The following ANO4 variants were observed in gnomAD, a reference collection of about 807,000 sequenced individuals.
The protein encoded by ANO4 is anoctamin-4.
Under a neutral mutation model 141.9 loss-of-function variants are expected in ANO4, and 69 were observed. The ratio of observed to expected loss-of-function variants is 0.49; its 90% CI spans 0.40 to 0.59. ANO4 has a LOEUF of 0.59. Ranked by LOEUF, ANO4 falls within the 20% of genes least tolerant of loss-of-function variation. The pLI is 0.00. For synonymous variants in ANO4, 350 were observed against 394.3 expected (o/e 0.89, Z 1.33); for missense variants, 894 against 1,162.2 (o/e 0.77, Z 3.36).
chr12:100,747,469 C>G (rs2032164135), intron 3 of ANO4, among the ~76,000 whole-genome samples: 1 of 152,206 alleles, frequency 6.6e-6, no homozygotes, highest in Non-Finnish European at 1.5e-5. Flanking sequence ...GGTAATCTCC[C>G]TGCATTTCCA....
intron 1 of ANO4, among the ~76,000 whole-genome samples, chr12:100,866,525 A>G (rs187111554): frequency 3.9e-5 from 6 of 152,268 alleles, no homozygotes; most frequent in Admixed American, 6.5e-5. Flanking sequence ...TCAATGTTGT[A>G]TCAGCAACCC....
chr12:100,767,036 G>A (rs186533363), intron 3 of ANO4, among the ~76,000 whole-genome samples: 11 of 152,130 alleles, frequency 7.2e-5, no homozygotes, highest in Admixed American at 3.9e-4. Flanking sequence ...TTTGGTTACC[G>A]TTTGTATGGA....
At chr12:100,908,125 C>A (rs565769427) in intron 2 of ANO4, among the ~76,000 whole-genome samples, 1 of 152,020 alleles carries the variant, frequency 6.6e-6, no homozygotes, top group East Asian at 1.9e-4. Flanking sequence ...TTTGGGAGGC[C>A]GAGGCGGGTG....
chr12:100,840,181 C>T (rs2037164796), intron 1 of ANO4, among the ~76,000 whole-genome samples: 1 of 151,854 alleles, frequency 6.6e-6, no homozygotes, highest in South Asian at 2.1e-4. Flanking sequence ...CATTAGTTAC[C>T]CGTTCTCTTT....
intron 14 of ANO4, among the ~76,000 whole-genome samples, chr12:101,053,017 T>G (rs79843281): frequency 0.023 from 3,444 of 152,282 alleles, 119 homozygotes; most frequent in African/African-American, 0.073. Context: ...GTTGTGCATC[T>G]TCTGTGAAGT....
At chr12:100,987,729 C>A in intron 8 of ANO4, 59 bp downstream of exon 8, 2 of 1,592,758 alleles carry the variant, frequency 1.3e-6, no homozygotes, top group Non-Finnish European at 1.7e-6. Context: ...GGTAGAGCCT[C>A]ACCCTGCACG....
intron 9 of ANO4, among the ~76,000 whole-genome samples, chr12:101,029,145 A>G (rs899968970): frequency 6.6e-6 from 1 of 152,180 alleles, no homozygotes; most frequent in Non-Finnish European, 1.5e-5. Context: ...GGATTTTGTT[A>G]CCCCCACGCT....
intron 16 of ANO4, among the ~76,000 whole-genome samples, chr12:101,084,410 A>C (rs893175920): frequency 6.6e-5 from 10 of 152,220 alleles, no homozygotes; most frequent in African/African-American, 2.4e-4. Context: ...CCTAAAAAGC[A>C]GTCTTAGTAA....
chr12:100,978,861 G>A (rs2044322945), intron 7 of ANO4, among the ~76,000 whole-genome samples: 1 of 152,138 alleles, frequency 6.6e-6, no homozygotes, highest in Non-Finnish European at 1.5e-5. Flanking sequence ...AATTGATTCT[G>A]TATTATAACT....
At chr12:100,929,468 AG>A (rs1423313030) in intron 3 of ANO4, among the ~76,000 whole-genome samples, 1 of 152,192 alleles carries the variant, frequency 6.6e-6, no homozygotes, top group Non-Finnish European at 1.5e-5. Context: ...ATAGCTGAAT[AG>A]TACTGCATTG....
At position 100,784,933 on chromosome 12, in the gene ANO4, T is replaced by C. The variant is rs972557587; in HGVS notation, c.358+44828T>C. Among the ~76,000 whole-genome samples, 4 of 152,224 alleles carry C rather than the reference T, an allele frequency of 2.6e-5. No individual in the cohort carries two copies. In the East Asian group the frequency reaches 7.7e-4, roughly 29 times the overall value. On this transcript the variant is annotated intron_variant, in intron 3 of 29. Coordinates refer to the ANO4 transcript ENST00000644049. ...GTGTAGGGAATCCTCTCACTATTTTTTTTTTCATCTTTTCTTTCTTCTTCT... is the reference window on the plus strand; with the variant it reads ...GTGTAGGGAATCCTCTCACTATTTTCTTTTTCATCTTTTCTTTCTTCTTCT...
chr12:100,945,998 A>G (rs1487099394), intron 5 of ANO4, among the ~76,000 whole-genome samples: 1 of 152,202 alleles, frequency 6.6e-6, no homozygotes, highest in South Asian at 2.1e-4. Flanking sequence ...AAAGAGAAAA[A>G]AGTAAAGCAG....
At chr12:100,863,198 A>G (rs1298525151) in intron 1 of ANO4, among the ~76,000 whole-genome samples, 1 of 152,138 alleles carries the variant, frequency 6.6e-6, no homozygotes, top group Non-Finnish European at 1.5e-5. Flanking sequence ...TGGATTATAC[A>G]GATCTTGTAG....
chr12:100,953,738 C>T (rs1039194709), intron 5 of ANO4, among the ~76,000 whole-genome samples: 4 of 152,128 alleles, frequency 2.6e-5, no homozygotes, highest in African/African-American at 7.2e-5. Flanking sequence ...GAACTAAGCA[C>T]AAAGAGAAAT....
At chr12:100,758,917 C>G (rs1290213110) in intron 3 of ANO4, among the ~76,000 whole-genome samples, 1 of 152,118 alleles carries the variant, frequency 6.6e-6, no homozygotes, top group Admixed American at 6.6e-5. Context: ...TCTGTCTTCC[C>G]TTTTTCTGTC....
chr12:100,776,380 A>G (rs17030581), intron 3 of ANO4, among the ~76,000 whole-genome samples: 15,881 of 152,212 alleles, frequency 0.1, 1,007 homozygotes, highest in South Asian at 0.21. Context: ...GAGCTTGGAT[A>G]AGTTAATGGT....
intron 5 of ANO4, among the ~76,000 whole-genome samples, chr12:100,966,884 TACACACACAC>T (rs139462317): frequency 2.0e-5 from 3 of 147,470 alleles, no homozygotes; most frequent in African/African-American, 5.0e-5. Context: ...CACACACACA[TACACACACAC>T]ACACACACAC....
chr12:101,035,832 G>C (rs773882143), intron 9 of ANO4, among the ~76,000 whole-genome samples: 2 of 152,078 alleles, frequency 1.3e-5, no homozygotes, highest in Non-Finnish European at 2.9e-5. Flanking sequence ...AAGGGAACAG[G>C]AGACACTGGG....
chr12:100,737,282 A>G (rs1418404400), intron 2 of ANO4, among the ~76,000 whole-genome samples: 1 of 152,134 alleles, frequency 6.6e-6, no homozygotes, highest in Non-Finnish European at 1.5e-5. Flanking sequence ...TGGCAGCCAC[A>G]TGGCTGCAGG....
Sources: gnomAD v4.1 joint callset for allele counts (sites outside exome capture counted in the v4.1 genomes callset) on GRCh38, gnomAD v4.1.1 for gene constraint, MANE v1.5 for transcripts, NCBI Gene and HGNC (gene_info 2026-07-23, HGNC 2026-07-21) for gene names.